KCNV2: variants seen among roughly 807,000 people sequenced by gnomAD.
The protein encoded by KCNV2 is potassium voltage-gated channel subfamily V member 2.
A neutral mutation model predicts 37.0 loss-of-function variants in KCNV2; 65 were observed. That is an observed-to-expected ratio of 1.76 (90% CI 1.44 to 2.16). The LOEUF (loss-of-function observed/expected upper bound fraction) is 2.16. KCNV2 is among the 30% of genes most tolerant of loss of function. KCNV2 has a pLI of 0.00. For synonymous variants in KCNV2, 518 were observed against 328.6 expected, an observed-to-expected ratio of 1.58 and a Z score of -6.23; for missense variants, 1,232 against 766.7, an observed-to-expected ratio of 1.61 and a Z score of -7.17.
At chr9:2,719,121 C>A (rs754528788) in intron 1 of KCNV2, 26 bp downstream of exon 1, 28 of 1,602,540 alleles carry the variant, frequency 1.7e-5, no homozygotes, top group Non-Finnish European at 2.3e-5. Context: ...CTGGGCTTTC[C>A]CATCCTCTTC....
In KCNV2 at chr9:2,718,673, T is replaced by G; in HGVS notation, c.934T>G (p.Phe312Val). 1 of 1,613,352 alleles carries G rather than the reference T, an allele frequency of 6.2e-7. No homozygotes were observed. The change falls in exon 1 of 2, where the codon TTC becomes GTC. Residue 312 changes from phenylalanine (F) to valine (V), a missense_variant. By Grantham distance (50) the Phe-to-Val change is conservative. Coordinates refer to ENST00000382082, the MANE Select transcript of KCNV2 (RefSeq NM_133497.4). ...LEHVEMLCMG[F>V]FTLEYLLRLA... ...GCACGTGGAGATGCTGTGCATGGGC[T>G]TCTTCACGCTCGAGTACCTGCTGCG...
intron 1 of KCNV2, among the ~76,000 whole-genome samples, 190 bp downstream of exon 1, chr9:2,719,285 G>T (rs1005571967): frequency 2.6e-5 from 4 of 152,138 alleles, no homozygotes; most frequent in African/African-American, 4.8e-5. Flanking sequence ...CAGCAGATCA[G>T]TAAGTAAGTG....
In KCNV2 at chr9:2,717,635, T is replaced by A; in HGVS notation, c.-105T>A. On this transcript the variant is annotated 5_prime_UTR_variant, in exon 1 of 2. Transcript: ENST00000382082. ...CTGTGCTGGTCCGGGCTGGCCTCTC[T>A]AAGACAGTGCAGGCCACGTGATCCA... The A allele has an allele frequency of 6.8e-7, 1 of 1,470,610 alleles. No individual in the cohort carries two copies. Among genetic ancestry groups the A allele is most frequent in the Non-Finnish European group, 9.5e-7 (1 of 1,055,898 alleles). 91.1% of individuals were successfully genotyped at this position (1,470,610 alleles called of 1,614,324 possible). A position where few individuals can be genotyped will look rare whatever the true frequency, so the allele number is the denominator to read the frequency against.
chr9:2,729,817 A>G lies in KCNV2; in HGVS notation c.*90A>G, dbSNP rs886063832. The G allele has an allele frequency of 1.7e-5, 24 of 1,397,610 alleles. No individual in the cohort carries two copies. The highest frequency in any genetic ancestry group is 2.4e-5 in the Non-Finnish European group (24 of 987,838). 86.6% of individuals were successfully genotyped at this position (1,397,610 alleles called of 1,614,324 possible). On this transcript the variant is annotated 3_prime_UTR_variant, in exon 2 of 2. Coordinates refer to ENST00000382082, the MANE Select transcript of KCNV2 (RefSeq NM_133497.4). Reference sequence around the variant, plus strand: ...TCATTATGATTGGCAGCAAAAGGAAATGTGAAGCAGACATACACAAAGGCC... The same window carrying G: ...TCATTATGATTGGCAGCAAAAGGAAGTGTGAAGCAGACATACACAAAGGCC...
rs374187513 is a variant in KCNV2 at position 2,717,979 on chromosome 9, G to C, written c.240G>C (p.Glu80Asp). Residue 80 changes from glutamate to aspartate, a missense_variant, in exon 1 of 2, where the codon GAG becomes GAC. Physicochemically the swap from Glu to Asp is conservative, Grantham distance 45. Transcript: ENST00000382082. ...CAGAAGAGGACCAGCAGGCAGGGGA[G>C]GTCACCACCGCCAAGCCCGAGGGCC... ...DLAEEDQQAG[E>D]VTTAKPEGPS... The C allele has an allele frequency of 1.2e-6, 2 of 1,614,128 alleles. No homozygotes were observed. Among genetic ancestry groups the C allele is most frequent in the Admixed American group, 1.7e-5 (1 of 60,032 alleles).
chr9:2,718,380 T>C lies in KCNV2; in HGVS notation c.641T>C (p.Leu214Pro), dbSNP rs775959822. 6 of 1,600,804 alleles carry C rather than the reference T, an allele frequency of 3.7e-6. No homozygotes were observed. The highest frequency in any genetic ancestry group is 1.1e-5 in the South Asian group (1 of 89,678). Residue 214 changes from leucine (L) to proline (P), a missense_variant, in exon 1 of 2, where the codon CTC becomes CCC. Coordinates refer to ENST00000382082, the MANE Select transcript of KCNV2 (RefSeq NM_133497.4). The part of the protein sequence containing the change: ...EERRDELSER[L>P]KIQHELRAQA... ...CGGCGCGACGAGCTGAGCGAACGGC[T>C]CAAGATCCAGCACGAGCTGCGCGCG...
At chr9:2,724,848 T>C (rs141446171) in intron 1 of KCNV2, among the ~76,000 whole-genome samples, 5 of 152,172 alleles carry the variant, frequency 3.3e-5, no homozygotes, top group Non-Finnish European at 5.9e-5. Flanking sequence ...TCTGGAATTA[T>C]AAAATAAAAT....
rs1470553971 is a variant in KCNV2, at chr9:2,718,369, G to C, written c.630G>C (p.Leu210=). The change falls in exon 1 of 2, where the codon CTG becomes CTC. Residue 210 remains leucine, a synonymous_variant. Transcript: ENST00000382082. ...GCTTCGAGGAGCGGCGCGACGAGCT[G>C]AGCGAACGGCTCAAGATCCAGCACG... ...RICFEERRDE[L]SERLKIQHEL... 1 of 1,599,626 alleles carries C rather than the reference G, an allele frequency of 6.3e-7. No individual in the cohort carries two copies. The highest frequency in any genetic ancestry group is 2.3e-5 in the East Asian group (1 of 44,326).
Position 2,718,760 on chromosome 9 carries a change from G to C in KCNV2, c.1021G>C (p.Val341Leu), listed in dbSNP as rs779892023. The change falls in exon 1 of 2, where the codon GTG (valine) becomes CTG (leucine). Residue 341 changes from valine to leucine, a missense_variant. By Grantham distance (32) the Val-to-Leu change is conservative. Transcript: ENST00000382082. ...ARSALNLVDL[V>L]AILPLYLQLL... Reference sequence around the variant, plus strand: ...CAGCGCCCTCAACCTGGTGGACCTGGTGGCCATCCTGCCGCTCTACCTTCA... The same window carrying C: ...CAGCGCCCTCAACCTGGTGGACCTGCTGGCCATCCTGCCGCTCTACCTTCA... 6.2e-7 allele frequency: 1 copy of C among 1,611,694 alleles called. No individual in the cohort carries two copies. The highest frequency in any genetic ancestry group is 1.1e-5 in the South Asian group (1 of 91,078).
chr9:2,728,482 G>A (rs1820004328), intron 1 of KCNV2, among the ~76,000 whole-genome samples: 1 of 152,160 alleles, frequency 6.6e-6, no homozygotes, highest in East Asian at 1.9e-4. Flanking sequence ...CTGATAACTA[G>A]TCCCATGGTA....
intron 1 of KCNV2, 62 bp from the exon 2 acceptor site, chr9:2,729,384 C>T: frequency 6.3e-7 from 1 of 1,589,696 alleles, no homozygotes; most frequent in South Asian, 1.1e-5. Context: ...TTGCTCCTCT[C>T]CCTTTCTTCT....
rs1385132304 is a variant in KCNV2 at position 2,717,754 on chromosome 9, TGA to T, written c.19_20del (p.Arg7GlufsTer15). MLKQSERRRSWSYRPW... is the reference protein window; with the variant it reads MLKQSXRRRSWSYRPW... ...TTTCCGCAGCCATGCTCAAACAGAG[TGA>T]GAGGAGACGGTCCTGGAGCTACAGG... On this transcript the variant is annotated frameshift_variant, in exon 1 of 2. Transcript: ENST00000382082. LOFTEE classifies it high-confidence loss of function. The T allele has an allele frequency of 4.3e-6, 7 of 1,612,780 alleles. No individual in the cohort carries two copies. Among genetic ancestry groups the T allele is most frequent in the Admixed American group, 1.7e-5 (1 of 59,926 alleles).
chr9:2,729,799 G>C lies in KCNV2; in HGVS notation c.*72G>C, dbSNP rs540063630. The C allele has an allele frequency of 9.4e-6, 14 of 1,493,154 alleles. No homozygotes were observed. In the African/African-American group the frequency reaches 1.8e-4, roughly 19 times the overall value. 92.5% of individuals were successfully genotyped at this position (1,493,154 alleles called of 1,614,324 possible). On this transcript the variant is annotated 3_prime_UTR_variant, in exon 2 of 2. Coordinates refer to ENST00000382082, the MANE Select transcript of KCNV2 (RefSeq NM_133497.4). Reference sequence around the variant, plus strand: ...TCATTGCTCTTTTTTTAATCATTATGATTGGCAGCAAAAGGAAATGTGAAG... The same window carrying C: ...TCATTGCTCTTTTTTTAATCATTATCATTGGCAGCAAAAGGAAATGTGAAG...
chr9:2,727,662 C>T (rs1362586931), intron 1 of KCNV2, among the ~76,000 whole-genome samples: 2 of 152,022 alleles, frequency 1.3e-5, no homozygotes, highest in African/African-American at 2.4e-5. Flanking sequence ...TGGTCTTTGC[C>T]TCTTCTCAGT....
chr9:2,729,552 C>G lies in KCNV2; in HGVS notation c.1463C>G (p.Pro488Arg). The stretch of plus-strand genomic sequence containing the variant: ...TTTGGGATCATTCTCAACGGGATGC[C>G]CATTTCCATCCTCTACAACAAGTTT... ...IAFGIILNGM[P>R]ISILYNKFSD... The change falls in exon 2 of 2, where the codon CCC (proline) becomes CGC (arginine). Residue 488 changes from proline (P) to arginine (R), a missense_variant. By Grantham distance (103) the Pro-to-Arg change is moderately radical. Coordinates refer to ENST00000382082, the MANE Select transcript of KCNV2 (RefSeq NM_133497.4). 6.2e-7 allele frequency: 1 copy of G among 1,614,058 alleles called. No homozygotes were observed. The highest frequency in any genetic ancestry group is 1.1e-5 in the South Asian group (1 of 91,064).
intron 1 of KCNV2, among the ~76,000 whole-genome samples, chr9:2,726,425 A>T (rs1819969075): frequency 6.6e-6 from 1 of 152,134 alleles, no homozygotes; most frequent in African/African-American, 2.4e-5. Flanking sequence ...TATTATACAC[A>T]TCAGATATTT....
At chr9:2,722,903 A>G (rs920053683) in intron 1 of KCNV2, among the ~76,000 whole-genome samples, 2 of 152,068 alleles carry the variant, frequency 1.3e-5, no homozygotes, top group Non-Finnish European at 2.9e-5. Flanking sequence ...GGCAAAGAAC[A>G]AGAGAGAGAA....
chr9:2,720,936 C>G (rs971502361), intron 1 of KCNV2, among the ~76,000 whole-genome samples: 7 of 152,166 alleles, frequency 4.6e-5, no homozygotes, highest in Non-Finnish European at 1.0e-4. Context: ...ACCCATTGAT[C>G]TCACTTAAAT....
Position 2,718,176 on chromosome 9 carries a change from C to T in KCNV2, c.437C>T (p.Thr146Ile), listed in dbSNP as rs763872477. Residue 146 changes from threonine to isoleucine, a missense_variant, in exon 1 of 2, where the codon ACA becomes ATA. Coordinates refer to ENST00000382082, the MANE Select transcript of KCNV2 (RefSeq NM_133497.4). ...CTGTGCGACGACTACGAGGAGCAGA[C>T]AGACGAATACTTCTTCGACCGCGAC... ...LSLCDDYEEQTDEYFFDRDPA... is the reference protein window; with the variant it reads ...LSLCDDYEEQIDEYFFDRDPA... 4.3e-6 allele frequency: 7 copies of T among 1,613,244 alleles called. No homozygotes were observed. The highest frequency in any genetic ancestry group is 3.3e-5 in the South Asian group (3 of 90,944).
Sources: gnomAD v4.1 joint callset for allele counts (sites outside exome capture counted in the v4.1 genomes callset) on GRCh38, gnomAD v4.1.1 for gene constraint, MANE v1.5 for transcripts, NCBI Gene and HGNC (gene_info 2026-07-23, HGNC 2026-07-21) for gene names.